The following COL23A1 variants were observed in gnomAD, a reference collection of about 807,000 sequenced individuals.
The protein encoded by COL23A1 is collagen alpha-1(XXIII) chain.
In COL23A1, 97 loss-of-function variants were observed where a neutral mutation model predicts 99.3. The observed-to-expected ratio is 0.98, with a 90% CI of 0.83 to 1.16. COL23A1 has a LOEUF of 1.16. Ranked by LOEUF, COL23A1 falls within the 50% of genes most tolerant of loss-of-function variation. COL23A1 has a pLI of 0.00. For synonymous variants in COL23A1, 320 were observed against 308.2 expected, an observed-to-expected ratio of 1.04 and a Z score of -0.40; for missense variants, 762 against 757.4, an observed-to-expected ratio of 1.01 and a Z score of -0.07.
At chr5:178,397,328 G>A (rs115649511) in intron 2 of COL23A1, among the ~76,000 whole-genome samples, 4 of 152,352 alleles carry the variant, frequency 2.6e-5, no homozygotes, top group Non-Finnish European at 2.9e-5. Context: ...GGGGCGCTCC[G>A]GCAGGCCTCT....
At chr5:178,417,026 T>G (rs1026697600) in intron 2 of COL23A1, among the ~76,000 whole-genome samples, 1 of 152,192 alleles carries the variant, frequency 6.6e-6, no homozygotes, top group Non-Finnish European at 1.5e-5. Flanking sequence ...AGGGGCCTTG[T>G]GCAGTTCAGC....
intron 2 of COL23A1, among the ~76,000 whole-genome samples, chr5:178,411,575 T>C (rs532824268): frequency 8.5e-5 from 13 of 152,104 alleles, no homozygotes; most frequent in Non-Finnish European, 1.6e-4. Flanking sequence ...ATATACAGAA[T>C]ATATAAAGCC....
intron 2 of COL23A1, among the ~76,000 whole-genome samples, chr5:178,381,387 G>C (rs946235784): frequency 6.6e-6 from 1 of 152,236 alleles, no homozygotes; most frequent in Non-Finnish European, 1.5e-5. Context: ...AGAAGGCTGA[G>C]AAGTGCCACT....
At chr5:178,407,088 A>G (rs1266336287) in intron 2 of COL23A1, among the ~76,000 whole-genome samples, 1 of 152,204 alleles carries the variant, frequency 6.6e-6, no homozygotes, top group Non-Finnish European at 1.5e-5. Flanking sequence ...TGGGTGCTAA[A>G]TAAGTTGGTA....
chr5:178,295,964 G>A (rs1253968451), intron 3 of COL23A1, among the ~76,000 whole-genome samples: 8 of 152,230 alleles, frequency 5.3e-5, no homozygotes, highest in Non-Finnish European at 1.2e-4. Context: ...CTGAGTAGGG[G>A]GGCCAAATGG....
Position 178,267,352 on chromosome 5 carries a change from G to A in COL23A1, c.496-19C>T. ...GTGCACCCTGGGAACAAAAGACAGGGAGAGGCATCACCACTGCTTTCATCG... is the reference window on the plus strand; with the variant it reads ...GTGCACCCTGGGAACAAAAGACAGGAAGAGGCATCACCACTGCTTTCATCG... On this transcript the variant is annotated intron_variant, in intron 7 of 28. Coordinates refer to ENST00000390654, the MANE Select transcript of COL23A1 (RefSeq NM_173465.4). 1.2e-6 allele frequency: 2 copies of A among 1,613,460 alleles called. No homozygotes were observed. The highest frequency in any genetic ancestry group is 1.7e-6 in the Non-Finnish European group (2 of 1,179,738).
rs2973798 is a variant in COL23A1, at chr5:178,306,688, C to T, written c.406+187G>A. Among the ~76,000 whole-genome samples, 6 of 151,078 alleles carry T rather than the reference C, an allele frequency of 4.0e-5. No homozygotes were observed. The highest frequency in any genetic ancestry group is 2.0e-4 in the East Asian group (1 of 5,112). On this transcript the variant is annotated intron_variant, in intron 3 of 28. Transcript: ENST00000390654. The surrounding 1 kb of genome is among the most constrained non-coding windows in gnomAD (Gnocchi z 4.1). The stretch of plus-strand genomic sequence containing the variant: ...TGGAATTGTGAATGCCAAGAAGCCC[C>T]GGAAAGGCAGTACTGGGTGCTGCGG...
chr5:178,560,683 T>TG lies in COL23A1; in HGVS notation c.359dup (p.Gly121ArgfsTer116), dbSNP rs755950142. 5 of 1,610,868 alleles carry TG rather than the reference T, an allele frequency of 3.1e-6. No homozygotes were observed. In the South Asian group the frequency reaches 5.5e-5, roughly 18 times the overall value. On this transcript the variant is annotated frameshift_variant and splice_region_variant, in exon 2 of 29. Coordinates refer to ENST00000390654, the MANE Select transcript of COL23A1 (RefSeq NM_173465.4). LOFTEE classifies it high-confidence loss of function. ...GAAGGGAGCTCAACCTTCACTTACC[T>TG]GGGGGGCAGACACATTCGGATGGAG...
At chr5:178,517,850 G>A (rs938655004) in intron 2 of COL23A1, among the ~76,000 whole-genome samples, 5 of 144,836 alleles carry the variant, frequency 3.5e-5, no homozygotes, top group Non-Finnish European at 6.0e-5. Flanking sequence ...GTGAGCCGCC[G>A]TGCCTGGCCA....
At chr5:178,271,380 C>T (rs146918780) in intron 5 of COL23A1, among the ~76,000 whole-genome samples, 10 of 152,322 alleles carry the variant, frequency 6.6e-5, no homozygotes, top group South Asian at 2.1e-4. Context: ...GTCCACCTGC[C>T]GGGCACATCC....
At chr5:178,291,235 C>G (rs1395940915) in intron 3 of COL23A1, among the ~76,000 whole-genome samples, 1 of 152,188 alleles carries the variant, frequency 6.6e-6, no homozygotes, top group Non-Finnish European at 1.5e-5. Flanking sequence ...GGAGGCAGCA[C>G]CCGGCAGTCA....
chr5:178,311,491 TGTGTGTGTGTGTGTGCGC>T (rs767492642), intron 2 of COL23A1, among the ~76,000 whole-genome samples: 1,943 of 13,274 alleles, frequency 0.15, 16 homozygotes, highest in Middle Eastern at 0.32. Flanking sequence ...CCTCTGTGTG[TGTGTGTGTGTGTGTGCGC>T]GTGTGTGTGT....
At chr5:178,246,144 C>A in intron 24 of COL23A1, 110 bp downstream of exon 24, 8 of 1,340,800 alleles carry the variant, frequency 6.0e-6, no homozygotes, top group Non-Finnish European at 8.4e-6. Flanking sequence ...TGAACTCTGG[C>A]CCTGCGAAGT....
At chr5:178,510,884 G>A (rs927488195) in intron 2 of COL23A1, among the ~76,000 whole-genome samples, 1 of 152,006 alleles carries the variant, frequency 6.6e-6, no homozygotes, top group African/African-American at 2.4e-5. Flanking sequence ...GCTGAAGCGT[G>A]GCACATCCAT....
At chr5:178,488,950 T>C (rs1757783678) in intron 2 of COL23A1, among the ~76,000 whole-genome samples, 2 of 152,206 alleles carry the variant, frequency 1.3e-5, no homozygotes, top group Non-Finnish European at 1.5e-5. Flanking sequence ...CAACGGGTGC[T>C]TCACTGCACT....
chr5:178,512,294 CAAT>C (rs1473585010), intron 2 of COL23A1, among the ~76,000 whole-genome samples: 1 of 152,178 alleles, frequency 6.6e-6, no homozygotes, highest in Non-Finnish European at 1.5e-5. Context: ...ATATCTTGTG[CAAT>C]AATGTTTACT....
rs1224997524 is a variant in COL23A1 at position 178,569,137 on chromosome 5, C to G, written c.295-8389G>C. ...CATTGTGGGTTTGATTTACATTTCCCTAATGACAAATGATGTCGAGATACT... is the reference window on the plus strand; with the variant it reads ...CATTGTGGGTTTGATTTACATTTCCGTAATGACAAATGATGTCGAGATACT... On this transcript the variant is annotated intron_variant, in intron 1 of 28. Transcript: ENST00000390654. 2.0e-5 allele frequency among the ~76,000 whole-genome samples: 3 copies of G among 152,158 alleles called. No homozygotes were observed. In the East Asian group the frequency reaches 5.8e-4, roughly 29 times the overall value.
chr5:178,590,264 G>A lies in COL23A1; in HGVS notation c.-67C>T, dbSNP rs2113782853. ...GCTGGGGCAGAGGCTGGGTGCGAGA[G>A]GAGCAGGCGGGACAGCCCGAGGCAC... On this transcript the variant is annotated 5_prime_UTR_variant, in exon 1 of 29. Coordinates refer to ENST00000390654, the MANE Select transcript of COL23A1 (RefSeq NM_173465.4). The surrounding 1 kb of genome is among the most constrained non-coding windows in gnomAD (Gnocchi z 5.7). 5 of 1,172,448 alleles carry A rather than the reference G, an allele frequency of 4.3e-6. No homozygotes were observed. The highest frequency in any genetic ancestry group is 3.2e-6 in the Non-Finnish European group (3 of 946,372). The allele number at this position is 1,172,448 out of a possible 1,614,324, so 72.6% of individuals were successfully genotyped here.
intron 2 of COL23A1, among the ~76,000 whole-genome samples, chr5:178,396,765 G>A (rs1408078106): frequency 1.2e-5 from 1 of 85,852 alleles, no homozygotes; most frequent in Admixed American, 1.2e-4. Context: ...GTCTCTCCCC[G>A]GCGGGCAGGC....
Sources: allele counts gnomAD v4.1 joint callset (sites outside exome capture counted in the v4.1 genomes callset), GRCh38; gene constraint gnomAD v4.1.1; non-coding constraint Gnocchi (gnomAD v3.1); transcripts MANE v1.5; gene names NCBI Gene and HGNC (gene_info 2026-07-23, HGNC 2026-07-21).